ADGRL2: variants seen among roughly 807,000 people sequenced by gnomAD.
ADGRL2 encodes adhesion G protein-coupled receptor L2, also known as calcium-independent alpha-latrotoxin receptor 2.
In ADGRL2, 44 loss-of-function variants were observed where a neutral mutation model predicts 157.4. The observed-to-expected ratio is 0.28, with a 90% CI of 0.22 to 0.36. The LOEUF is 0.36. Ranked by LOEUF, ADGRL2 falls within the 10% of genes least tolerant of loss-of-function variation. The pLI, the probability that ADGRL2 is intolerant of heterozygous loss-of-function variation, is 1.00. For missense variants in ADGRL2, 1,510 were observed against 1,768.9 expected (o/e 0.85, Z 2.63); for synonymous variants, 585 against 624.7 (o/e 0.94, Z 0.95).
At position 81,615,560 on chromosome 1, in the gene ADGRL2, C is replaced by T. The variant is rs1473479857; in HGVS notation, c.-143+34580C>T. On this transcript the variant is annotated intron_variant, in intron 3 of 24. Coordinates refer to the ADGRL2 transcript ENST00000370721. ...AACCACAGAAGGAACAAACTCCGGA[C>T]ACACCATCTTTAAGAACTGTAACAC... 2.6e-5 allele frequency among the ~76,000 whole-genome samples: 4 copies of T among 152,136 alleles called. No homozygotes were observed. In the South Asian group the frequency reaches 6.2e-4, roughly 24 times the overall value.
At chr1:81,603,151 T>C (rs1320813136) in intron 3 of ADGRL2, among the ~76,000 whole-genome samples, 1 of 152,188 alleles carries the variant, frequency 6.6e-6, no homozygotes, top group Non-Finnish European at 1.5e-5. Flanking sequence ...TGAATTTTCA[T>C]TAAAACATTT....
intron 3 of ADGRL2, among the ~76,000 whole-genome samples, chr1:81,656,921 G>T (rs142474280): frequency 1.3e-3 from 193 of 149,576 alleles, no homozygotes; most frequent in African/African-American, 4.0e-3. Context: ...GAGGTGGGAG[G>T]ATCACCTGAG....
At chr1:81,761,272 T>G (rs1447744049) in intron 1 of ADGRL2, among the ~76,000 whole-genome samples, 1 of 151,892 alleles carries the variant, frequency 6.6e-6, no homozygotes, top group Non-Finnish European at 1.5e-5. Context: ...ATATCACTAT[T>G]GAGAAAATTC....
upstream of ADGRL2, among the ~76,000 whole-genome samples, chr1:81,796,072 C>A (rs1455920863): frequency 6.6e-6 from 1 of 152,146 alleles, no homozygotes; most frequent in Non-Finnish European, 1.5e-5. Context: ...CTCACTGCAA[C>A]CTCTGACCCC....
chr1:81,671,094 C>A (rs1396294709), intron 3 of ADGRL2, among the ~76,000 whole-genome samples: 1 of 152,164 alleles, frequency 6.6e-6, no homozygotes, highest in African/African-American at 2.4e-5. Flanking sequence ...AGTTCAGGAC[C>A]AGCCCTAATC....
chr1:81,485,695 G>A (rs1036669293), intron 2 of ADGRL2, among the ~76,000 whole-genome samples: 3 of 152,100 alleles, frequency 2.0e-5, no homozygotes, highest in African/African-American at 4.8e-5. Flanking sequence ...TGACCTTTCT[G>A]CATTAGGAAG....
At chr1:81,903,500 C>G (rs1476134407) in intron 2 of ADGRL2, among the ~76,000 whole-genome samples, 1 of 151,576 alleles carries the variant, frequency 6.6e-6, no homozygotes, top group Non-Finnish European at 1.5e-5. Flanking sequence ...AGATTGAGAC[C>G]CTAAATTTAC....
intron 1 of ADGRL2, among the ~76,000 whole-genome samples, chr1:81,407,881 A>C (rs752157423): frequency 6.6e-6 from 1 of 152,152 alleles, no homozygotes; most frequent in East Asian, 1.9e-4. Flanking sequence ...AATCAGAAAA[A>C]GGTAGAGTTG....
At position 81,405,711 on chromosome 1, in the gene ADGRL2, TAGG is replaced by T. The variant is rs1462110307; in HGVS notation, c.-301-39324_-301-39322del. Among the ~76,000 whole-genome samples the T allele has an allele frequency of 3.3e-5, 5 of 151,774 alleles. No homozygotes were observed. The East Asian group carries it at 9.7e-4, about 29-fold the overall frequency. ...ATATCTCACATTTTCAAAATAATAA[TAGG>T]GATTATTTTCATAAGGCCTCTTATT... On this transcript the variant is annotated intron_variant, in intron 1 of 24. Transcript: ENST00000370721.
intron 3 of ADGRL2, among the ~76,000 whole-genome samples, chr1:81,606,779 C>CGT (rs2081443464): frequency 2.8e-5 from 4 of 141,964 alleles, no homozygotes; most frequent in East Asian, 2.1e-4. Flanking sequence ...TGTGTGCGCA[C>CGT]GCGTGTGTGT....
chr1:81,907,207 T>G lies in ADGRL2; in HGVS notation c.264T>G (p.Asp88Glu), dbSNP rs1454462656. The change falls in exon 3 of 24, where the codon GAT becomes GAG. Residue 88 changes from aspartate to glutamate, a missense_variant. Asp to Glu is a conservative substitution (Grantham distance 45). Transcript: ENST00000686636. Reference protein sequence around the residue: ...QMENTDCYLPDAFKIMTQRCN... With the variant: ...QMENTDCYLPEAFKIMTQRCN... ...AGAATACAGACTGCTACCTCCCCGA[T>G]GCCTTCAAAATTATGACTCAAAGGT... 1 of 1,613,986 alleles carries G rather than the reference T, an allele frequency of 6.2e-7. No homozygotes were observed. The highest frequency in any genetic ancestry group is 8.5e-7 in the Non-Finnish European group (1 of 1,179,872).
intron 3 of ADGRL2, among the ~76,000 whole-genome samples, chr1:81,926,774 A>G (rs979872905): frequency 4.6e-5 from 7 of 152,004 alleles, no homozygotes; most frequent in African/African-American, 1.7e-4. Flanking sequence ...TTGTAAATAA[A>G]TACTTCTTAT....
chr1:81,763,019 G>GCC (rs2085946084), intron 2 of ADGRL2, among the ~76,000 whole-genome samples: 1 of 127,988 alleles, frequency 7.8e-6, no homozygotes, highest in Non-Finnish European at 1.6e-5. Flanking sequence ...CTGCACTCCA[G>GCC]TCTGGGTGAC....
At chr1:81,429,363 G>A (rs2101606448) in intron 1 of ADGRL2, among the ~76,000 whole-genome samples, 1 of 152,216 alleles carries the variant, frequency 6.6e-6, no homozygotes, top group Admixed American at 6.5e-5. Flanking sequence ...GTGTAAAAGA[G>A]CCACAGGCTA....
chr1:81,530,452 G>A (rs11806064), intron 2 of ADGRL2, among the ~76,000 whole-genome samples: 113,606 of 151,440 alleles, frequency 0.75, 43,138 homozygotes, highest in East Asian at 0.9. Context: ...GGCTCAAGCA[G>A]TCCTCCCACC....
intron 2 of ADGRL2, among the ~76,000 whole-genome samples, chr1:81,533,603 A>G (rs143833657): frequency 1.1e-4 from 16 of 152,258 alleles, no homozygotes; most frequent in African/African-American, 3.9e-4. Context: ...TTAATTTTAA[A>G]GAAAATAAAA....
chr1:81,787,006 C>G (rs994671133), intron 2 of ADGRL2, among the ~76,000 whole-genome samples: 17 of 152,098 alleles, frequency 1.1e-4, no homozygotes, highest in African/African-American at 3.9e-4. Flanking sequence ...TTCCCCTATA[C>G]TGTTCTCGTG....
At chr1:81,639,652 G>T (rs751023634) in intron 3 of ADGRL2, among the ~76,000 whole-genome samples, 1 of 151,048 alleles carries the variant, frequency 6.6e-6, no homozygotes, top group African/African-American at 2.4e-5. Flanking sequence ...AGACCAAAGA[G>T]AGTTATTAGA....
chr1:81,759,717 T>G (rs2085807128), intron 1 of ADGRL2, among the ~76,000 whole-genome samples: 1 of 152,106 alleles, frequency 6.6e-6, no homozygotes, highest in Admixed American at 6.6e-5. Flanking sequence ...TTGACCAAAT[T>G]TCCTTCATGC....
Sources: allele counts gnomAD v4.1 joint callset (sites outside exome capture counted in the v4.1 genomes callset), GRCh38; gene constraint gnomAD v4.1.1; transcripts MANE v1.5; gene names NCBI Gene and HGNC (gene_info 2026-07-23, HGNC 2026-07-21).